The following DAP3 variants were observed in gnomAD, a reference collection of about 807,000 sequenced individuals.
The protein encoded by DAP3 is small ribosomal subunit protein mS29.
Under a neutral mutation model 51.9 loss-of-function variants are expected in DAP3, and 28 were observed. The observed-to-expected ratio is 0.54, with a 90% CI of 0.40 to 0.74. The LOEUF (loss-of-function observed/expected upper bound fraction) is 0.74, where lower values mean the gene tolerates loss of function less well. DAP3 is among the 30% of genes least tolerant of loss of function. The probability of loss-of-function intolerance (pLI) is 0.00; values close to 1 mark genes in which losing one functional copy is unlikely to be tolerated. For missense variants in DAP3, 458 were observed against 483.5 expected (o/e 0.95, Z 0.49); for synonymous variants, 170 against 170.3 (o/e 1.00, Z 0.01).
chr1:155,713,220 T>C (rs1439076950), intron 2 of DAP3, among the ~76,000 whole-genome samples: 1 of 152,192 alleles, frequency 6.6e-6, no homozygotes, highest in Non-Finnish European at 1.5e-5. Flanking sequence ...ACAAGTTATT[T>C]TCATTCATAG....
chr1:155,738,335 GC>G lies in DAP3; in HGVS notation c.*95del. The G allele has an allele frequency of 7.2e-7, 1 of 1,393,568 alleles. No individual in the cohort carries two copies. The highest frequency in any genetic ancestry group is 1.0e-6 in the Non-Finnish European group (1 of 1,003,032). 86.3% of individuals were successfully genotyped at this position (1,393,568 alleles called of 1,614,324 possible). A position where few individuals can be genotyped will look rare whatever the true frequency, so the allele number is the denominator to read the frequency against. ...AGTCGGGCAGTACACAGGAAGAGGA[GC>G]CAGGCCCTTGTACCTATGGGATTGG... On this transcript the variant is annotated 3_prime_UTR_variant, in exon 13 of 13. Transcript: ENST00000368336.
intron 1 of DAP3, among the ~76,000 whole-genome samples, chr1:155,694,548 C>T (rs2149108468): frequency 7.1e-6 from 1 of 141,350 alleles, no homozygotes; most frequent in African/African-American, 3.2e-5. Context: ...TTGATCTGTC[C>T]CCAAGTTGGT....
intron 1 of DAP3, among the ~76,000 whole-genome samples, chr1:155,700,582 C>G (rs1488087736): frequency 2.0e-5 from 3 of 149,486 alleles, no homozygotes; most frequent in Non-Finnish European, 4.5e-5. Flanking sequence ...GGTCAGCCCC[C>G]CGCCCGGCCA....
chr1:155,734,651 C>G (rs1418196863), intron 11 of DAP3, among the ~76,000 whole-genome samples: 4 of 152,194 alleles, frequency 2.6e-5, no homozygotes, highest in Non-Finnish European at 2.9e-5. Flanking sequence ...CTCACTGCTA[C>G]TGAGGTGTCC....
In DAP3 at chr1:155,717,091, G is replaced by C; in HGVS notation, c.131G>C (p.Ser44Thr). ...AHLDNQVPVE[S>T]PRAISRTNEN... ...CTAGATAACCAGGTTCCAGTTGAGA[G>C]TCCGAGAGCTATTTCCCGCACCAAT... The change falls in exon 3 of 13, where the codon AGT (serine) becomes ACT (threonine). Residue 44 changes from serine (S) to threonine (T), a missense_variant. By Grantham distance (58) the Ser-to-Thr change is moderately conservative. Transcript: ENST00000368336. The C allele has an allele frequency of 6.2e-7, 1 of 1,614,146 alleles. No individual in the cohort carries two copies. Among genetic ancestry groups the C allele is most frequent in the Non-Finnish European group, 8.5e-7 (1 of 1,180,030 alleles).
At chr1:155,705,804 G>A (rs986014478) in intron 1 of DAP3, among the ~76,000 whole-genome samples, 1 of 151,934 alleles carries the variant, frequency 6.6e-6, no homozygotes, top group Non-Finnish European at 1.5e-5. Context: ...GGGTTCAAGC[G>A]ATTCTCCCGC....
At chr1:155,720,580 G>A (rs899649679) in intron 3 of DAP3, among the ~76,000 whole-genome samples, 7 of 151,766 alleles carry the variant, frequency 4.6e-5, no homozygotes, top group Admixed American at 3.9e-4. Flanking sequence ...CCCGGGAGGC[G>A]GAGGTTGTGG....
intron 3 of DAP3, among the ~76,000 whole-genome samples, chr1:155,718,379 C>G (rs1657566367): frequency 6.6e-6 from 1 of 151,826 alleles, no homozygotes; most frequent in Non-Finnish European, 1.5e-5. Context: ...GAGCAAGACT[C>G]TGTCTTAAAA....
chr1:155,689,510 CT>C (rs1475424733), intron 1 of DAP3: 1 of 441,094 alleles, frequency 2.3e-6, no homozygotes, highest in African/African-American at 2.0e-5. Flanking sequence ...TCATTCAGTT[CT>C]GGACTCAGTT....
intron 1 of DAP3, among the ~76,000 whole-genome samples, chr1:155,701,688 T>TAAA (rs766433912): frequency 9.8e-5 from 11 of 112,054 alleles, no homozygotes; most frequent in African/African-American, 3.0e-4. Context: ...AAAAATAAAT[T>TAAA]AAAAAAAAAA....
chr1:155,731,453 A>T (rs1345415645), intron 10 of DAP3, 38 bp downstream of exon 10: 2 of 1,587,306 alleles, frequency 1.3e-6, no homozygotes, highest in Admixed American at 1.7e-5. Context: ...TCAGAAAGAA[A>T]TGTATTATCA....
At chr1:155,713,625 C>T (rs1208721540) in intron 2 of DAP3, among the ~76,000 whole-genome samples, 3 of 152,262 alleles carry the variant, frequency 2.0e-5, no homozygotes, top group Non-Finnish European at 2.9e-5. Context: ...TTCTTCCGAG[C>T]GTGTAGCCTA....
chr1:155,731,564 G>C (rs1659246934), intron 10 of DAP3, 149 bp downstream of exon 10: 2 of 751,364 alleles, frequency 2.7e-6, no homozygotes, highest in South Asian at 3.9e-5. Flanking sequence ...TCTGTACCAA[G>C]TTAGAAATAA....
At chr1:155,733,462 G>C (rs969753717) in intron 11 of DAP3, among the ~76,000 whole-genome samples, 1 of 152,166 alleles carries the variant, frequency 6.6e-6, no homozygotes, top group African/African-American at 2.4e-5. Context: ...GTATGGTCTT[G>C]TGGATTTTTA....
upstream of DAP3, chr1:155,688,103 G>A: frequency 6.2e-7 from 1 of 1,608,814 alleles, no homozygotes; most frequent in Non-Finnish European, 8.5e-7. Context: ...GAGAGTACAG[G>A]GAAGTGAGGA....
chr1:155,720,690 G>GT (rs1657891279), intron 3 of DAP3, among the ~76,000 whole-genome samples: 1 of 151,426 alleles, frequency 6.6e-6, no homozygotes, highest in African/African-American at 2.4e-5. Context: ...AACACATAAA[G>GT]ACATGAGTGA....
Position 155,723,321 on chromosome 1 carries a change from C to G in DAP3, c.270+1703C>G, listed in dbSNP as rs113727864. Among the ~76,000 whole-genome samples, 855 of 152,172 alleles carry G rather than the reference C, an allele frequency of 5.6e-3. 7 individuals carry two copies. Among genetic ancestry groups the G allele is most frequent in the African/African-American group, 0.019 (808 of 41,520 alleles). ...GGGATTACAGGTGTGAGCCACAGCT[C>G]CCAGCCCTGATGTGACTTTTTTTTG... On this transcript the variant is annotated intron_variant, in intron 4 of 12. Transcript: ENST00000368336.
intron 1 of DAP3, among the ~76,000 whole-genome samples, chr1:155,700,711 A>G (rs1382144845): frequency 3.7e-5 from 4 of 108,634 alleles, no homozygotes; most frequent in Non-Finnish European, 7.6e-5. Context: ...TCAGCCCCCC[A>G]ACCCGGCCAG....
chr1:155,727,791 G>A, intron 7 of DAP3, 53 bp downstream of exon 7: 1 of 1,589,722 alleles, frequency 6.3e-7, no homozygotes, highest in Non-Finnish European at 8.6e-7. Context: ...TGGATTCTTT[G>A]TGCCCTGAGT....
Sources: gnomAD v4.1 joint callset for allele counts (sites outside exome capture counted in the v4.1 genomes callset) on GRCh38, gnomAD v4.1.1 for gene constraint, MANE v1.5 for transcripts, NCBI Gene and HGNC (gene_info 2026-07-23, HGNC 2026-07-21) for gene names.